Variants in DNMT3A observed in about 807,000 individuals in gnomAD.
The protein encoded by DNMT3A is DNA (cytosine-5)-methyltransferase 3A.
A neutral mutation model predicts 117.6 loss-of-function variants in DNMT3A; 267 were observed. That is an observed-to-expected ratio of 2.27 (90% confidence interval 2.05 to 2.51). DNMT3A has a LOEUF of 2.51. DNMT3A is among the 30% of genes most tolerant of loss of function. The pLI, the probability that DNMT3A is intolerant of heterozygous loss-of-function variation, is 0.00. For missense variants in DNMT3A, 1,029 were observed against 1,260.2 expected (o/e 0.82, Z 2.78); for synonymous variants, 432 against 474.8 (o/e 0.91, Z 1.17).
At position 25,305,396 on chromosome 2, in the gene DNMT3A, A is replaced by G. The variant is rs2033731420; in HGVS notation, c.73-5153T>C. ...CTCACTGGATGGATTATTTTAAGCCATATACAACGTCTCATTCTGATGCGC... is the reference window on the plus strand; with the variant it reads ...CTCACTGGATGGATTATTTTAAGCCGTATACAACGTCTCATTCTGATGCGC... On this transcript the variant is annotated intron_variant, in intron 2 of 22. Coordinates refer to ENST00000321117, the MANE Select transcript of DNMT3A (RefSeq NM_022552.5). The surrounding 1 kb of genome is among the most constrained non-coding windows in gnomAD (Gnocchi z 4.1). Among the ~76,000 whole-genome samples, 1 of 152,244 alleles carries G rather than the reference A, an allele frequency of 6.6e-6. No homozygotes were observed. The highest frequency in any genetic ancestry group is 2.4e-5 in the African/African-American group (1 of 41,460).
At position 25,311,105 on chromosome 2, in the gene DNMT3A, G is replaced by A. The variant is rs1446938969; in HGVS notation, c.72+2808C>T. On this transcript the variant is annotated intron_variant, in intron 2 of 22. Transcript: ENST00000321117. This position sits in a 1 kb window ranked among gnomAD's most constrained non-coding sequence, Gnocchi z 5.2. ...TATGGGAGTGGGGCTGGAGTGAAAGGTGCATGGAGGCGGGGCTGGGGGCGG... is the reference window on the plus strand; with the variant it reads ...TATGGGAGTGGGGCTGGAGTGAAAGATGCATGGAGGCGGGGCTGGGGGCGG... Among the ~76,000 whole-genome samples, 1 of 149,698 alleles carries A rather than the reference G, an allele frequency of 6.7e-6. No individual in the cohort carries two copies. The highest frequency in any genetic ancestry group is 1.5e-5 in the Non-Finnish European group (1 of 67,402).
At chr2:25,332,391 T>A (rs1449612615) in intron 1 of DNMT3A, among the ~76,000 whole-genome samples, 1 of 152,196 alleles carries the variant, frequency 6.6e-6, no homozygotes, top group African/African-American at 2.4e-5. Context: ...TCCGACTTCC[T>A]TCTCTGAGCC....
At chr2:25,248,285 C>T (rs772306798) in intron 6 of DNMT3A, 33 bp from the exon 7 acceptor site, 3 of 1,607,992 alleles carry the variant, frequency 1.9e-6, no homozygotes, top group Non-Finnish European at 1.7e-6. Context: ...GTCACCTTGA[C>T]CTCTCCAGGA....
At chr2:25,319,128 C>A (rs1161734865) in intron 1 of DNMT3A, among the ~76,000 whole-genome samples, 1 of 151,298 alleles carries the variant, frequency 6.6e-6, no homozygotes, top group Non-Finnish European at 1.5e-5. Context: ...CATTCTCCTG[C>A]CTCAGCCTCC....
chr2:25,273,494 A>C (rs1277690980), intron 6 of DNMT3A, among the ~76,000 whole-genome samples: 1 of 152,188 alleles, frequency 6.6e-6, no homozygotes, highest in Non-Finnish European at 1.5e-5. Context: ...AGACGAAATG[A>C]GAGCTGAGTT....
chr2:25,273,019 G>T lies in DNMT3A; in HGVS notation c.639+1922C>A, dbSNP rs2031075235. ...GACAGAGTTTTGCTCTTGTTGTCCA[G>T]GCTGGAGTGTAGTGGTGTGATCTCA... On this transcript the variant is annotated intron_variant, in intron 6 of 22. Coordinates refer to ENST00000321117, the MANE Select transcript of DNMT3A (RefSeq NM_022552.5). 2.5e-5 allele frequency among the ~76,000 whole-genome samples: 3 copies of T among 119,180 alleles called. No homozygotes were observed. The South Asian group carries it at 7.7e-4, about 31-fold the overall frequency. 78.2% of individuals were successfully genotyped at this position (119,180 alleles called of 152,430 possible). A position where few individuals can be genotyped will look rare whatever the true frequency, so the allele number is the denominator to read the frequency against.
At chr2:25,303,652 CAGG>C (rs2033635061) in intron 2 of DNMT3A, among the ~76,000 whole-genome samples, 1 of 152,238 alleles carries the variant, frequency 6.6e-6, no homozygotes, top group South Asian at 2.1e-4. Flanking sequence ...CCACGAGAGC[CAGG>C]TCTGAACAAC....
chr2:25,235,571 G>T, intron 22 of DNMT3A, 136 bp downstream of exon 22: 1 of 693,876 alleles, frequency 1.4e-6, no homozygotes, highest in Non-Finnish European at 2.5e-6. Context: ...GCCATGTTGG[G>T]AAATGCTTGA....
chr2:25,236,232 AT>A lies in DNMT3A; in HGVS notation c.2479-408del, dbSNP rs1348164540. ...AGGCGCCCGCCACCATGCCTGGCTAATTTTTATATTTTTAGTCAGACAGGGT... is the reference window on the plus strand; with the variant it reads ...AGGCGCCCGCCACCATGCCTGGCTAATTTTATATTTTTAGTCAGACAGGGT... On this transcript the variant is annotated intron_variant, in intron 21 of 22. Transcript: ENST00000321117. The surrounding 1 kb of genome is among the most constrained non-coding windows in gnomAD (Gnocchi z 4.5). 6.6e-6 allele frequency among the ~76,000 whole-genome samples: 1 copy of A among 152,096 alleles called. No homozygotes were observed. The highest frequency in any genetic ancestry group is 1.5e-5 in the Non-Finnish European group (1 of 68,016).
chr2:25,250,505 T>C (rs1360241379), intron 6 of DNMT3A, among the ~76,000 whole-genome samples: 1 of 152,208 alleles, frequency 6.6e-6, no homozygotes, highest in Admixed American at 6.5e-5. Context: ...CATCGCTCCC[T>C]AGCCCCACTC....
In DNMT3A at chr2:25,243,912, TCAAAGA is replaced by T; in HGVS notation, c.1916_1921del (p.Leu639_Asp641delinsHis). On this transcript the variant is annotated inframe_deletion, in exon 16 of 23. Transcript: ENST00000321117. The stretch of plus-strand genomic sequence containing the variant: ...GCACCCCTCACCTGTAGCGATTCCA[TCAAAGA>T]GAGACAGCACCCGGATGGGCTTCCT... 6.4e-7 allele frequency: 1 copy of T among 1,551,992 alleles called. No individual in the cohort carries two copies. Among genetic ancestry groups the T allele is most frequent in the Non-Finnish European group, 8.7e-7 (1 of 1,147,070 alleles).
Position 25,284,645 on chromosome 2 carries a change from T to TTAAAAA in DNMT3A, c.178-1935_178-1934insTTTTTA, listed in dbSNP as rs1287436463. Among the ~76,000 whole-genome samples the TTAAAAA allele has an allele frequency of 6.0e-4, 10 of 16,632 alleles. 1 individual carries two copies. The highest frequency in any genetic ancestry group is 4.1e-3 in the African/African-American group (10 of 2,424). The allele number at this position is 16,632 out of a possible 152,430, so 10.9% of individuals were successfully genotyped here. A position where few individuals can be genotyped will look rare whatever the true frequency, so the allele number is the denominator to read the frequency against. On this transcript the variant is annotated intron_variant, in intron 3 of 22. Coordinates refer to ENST00000321117, the MANE Select transcript of DNMT3A (RefSeq NM_022552.5). ...CTGGGCAACAGAGTGAGACTCCATC[T>TTAAAAA]AAAAAAAAAAAAAAAAAAAAAAAAA...
rs1423958219 is a variant in DNMT3A at position 25,304,334 on chromosome 2, T to C, written c.73-4091A>G. On this transcript the variant is annotated intron_variant, in intron 2 of 22. Coordinates refer to ENST00000321117, the MANE Select transcript of DNMT3A (RefSeq NM_022552.5). This position sits in a 1 kb window ranked among gnomAD's most constrained non-coding sequence, Gnocchi z 4.3. ...CTACTTCACAGTGATGTTATAAGAA[T>C]TAAATGAGGTGATGTAGCAAAAGCT... is the stretch of plus-strand genomic sequence containing the variant. Among the ~76,000 whole-genome samples, 1 of 152,196 alleles carries C rather than the reference T, an allele frequency of 6.6e-6. No homozygotes were observed. The highest frequency in any genetic ancestry group is 1.5e-5 in the Non-Finnish European group (1 of 68,032).
In DNMT3A at chr2:25,294,460, T is replaced by A. The variant is rs146456971; in HGVS notation, c.177+5679A>T. Among the ~76,000 whole-genome samples, 607 of 152,126 alleles carry A rather than the reference T, an allele frequency of 4.0e-3. 8 individuals carry two copies. Among genetic ancestry groups the A allele is most frequent in the African/African-American group, 0.014 (578 of 41,496 alleles). ...GGCTCGCAGGAAGAAAAGCCACCTC[T>A]AGGGGTGGGCCAAGGGCTGCAGCCC... On this transcript the variant is annotated intron_variant, in intron 3 of 22. Transcript: ENST00000321117. The surrounding 1 kb of genome is among the most constrained non-coding windows in gnomAD (Gnocchi z 4.7).
rs1482175555 is a variant in DNMT3A, at chr2:25,254,876, G to GCAAGGACT, written c.640-6632_640-6625dup. Among the ~76,000 whole-genome samples, 1 of 152,250 alleles carries GCAAGGACT rather than the reference G, an allele frequency of 6.6e-6. No individual in the cohort carries two copies. The highest frequency in any genetic ancestry group is 1.5e-5 in the Non-Finnish European group (1 of 68,048). On this transcript the variant is annotated intron_variant, in intron 6 of 22. Transcript: ENST00000321117. The surrounding 1 kb of genome is among the most constrained non-coding windows in gnomAD (Gnocchi z 4.7). ...AGACTGCAATGATGCCGTGCGTGCAGCAAGGACTCAAGGTGTCAGAACTGG... is the reference window on the plus strand; with the variant it reads ...AGACTGCAATGATGCCGTGCGTGCAGCAAGGACTCAAGGACTCAAGGTGTCAGAACTGG...
chr2:25,262,188 C>CAA lies in DNMT3A; in HGVS notation c.639+12751_639+12752dup, dbSNP rs533414494. 6.4e-3 allele frequency among the ~76,000 whole-genome samples: 594 copies of CAA among 93,464 alleles called. 6 individuals are homozygous for CAA. The highest frequency in any genetic ancestry group is 7.7e-3 in the Admixed American group (65 of 8,480). 61.3% of individuals were successfully genotyped at this position (93,464 alleles called of 152,430 possible). A position where few individuals can be genotyped will look rare whatever the true frequency, so the allele number is the denominator to read the frequency against. ...CTGGCGAGAGAGCAAGACTCCGTCTCAAAAAAAAAAAAAAAAAAAACCTGT... is the reference window on the plus strand; with the variant it reads ...CTGGCGAGAGAGCAAGACTCCGTCTCAAAAAAAAAAAAAAAAAAAAAACCTGT... On this transcript the variant is annotated intron_variant, in intron 6 of 22. Coordinates refer to ENST00000321117, the MANE Select transcript of DNMT3A (RefSeq NM_022552.5).
chr2:25,230,263 C>G lies in DNMT3A; in HGVS notation c.*4016G>C, dbSNP rs1008688268. The G allele has an allele frequency of 6.6e-6, 1 of 152,396 alleles. No homozygotes were observed. The highest frequency in any genetic ancestry group is 1.5e-5 in the Non-Finnish European group (1 of 68,154). The allele number at this position is 152,396 out of a possible 1,614,324, so 9.4% of individuals were successfully genotyped here. Reference sequence around the variant, plus strand: ...TGCGGCCCCCCAGTCTGCCGGTGCACCAGCCTGTCGCTCCCGTGGGGCGGG... The same window carrying G: ...TGCGGCCCCCCAGTCTGCCGGTGCAGCAGCCTGTCGCTCCCGTGGGGCGGG... On this transcript the variant is annotated 3_prime_UTR_variant, in exon 23 of 23. Transcript: ENST00000321117.
rs779527004 is a variant in DNMT3A at position 25,247,558 on chromosome 2, C to T, written c.1014+33G>A. The T allele has an allele frequency of 1.9e-6, 3 of 1,605,204 alleles. No individual in the cohort carries two copies. The highest frequency in any genetic ancestry group is 1.1e-5 in the South Asian group (1 of 90,466). Reference sequence around the variant, plus strand: ...GGCCCTGGGATCAAGAACCTTCCCCCACCCCAGGCTACTGCCAAACCCCAC... The same window carrying T: ...GGCCCTGGGATCAAGAACCTTCCCCTACCCCAGGCTACTGCCAAACCCCAC... On this transcript the variant is annotated intron_variant, in intron 8 of 22. Coordinates refer to ENST00000321117, the MANE Select transcript of DNMT3A (RefSeq NM_022552.5). The surrounding 1 kb of genome is among the most constrained non-coding windows in gnomAD (Gnocchi z 5.6).
At chr2:25,262,809 G>C (rs1676725724) in intron 6 of DNMT3A, among the ~76,000 whole-genome samples, 1 of 152,050 alleles carries the variant, frequency 6.6e-6, no homozygotes, top group Admixed American at 6.6e-5. Context: ...TTCTAGTTCT[G>C]TCTCTTCTTG....
Sources: gnomAD v4.1 joint callset for allele counts (sites outside exome capture counted in the v4.1 genomes callset) on GRCh38, gnomAD v4.1.1 for gene constraint, Gnocchi (gnomAD v3.1) non-coding constraint, MANE v1.5 for transcripts, NCBI Gene and HGNC (gene_info 2026-07-23, HGNC 2026-07-21) for gene names.